The following FRMPD2 variants were observed in gnomAD, a reference collection of about 807,000 sequenced individuals.
The protein encoded by FRMPD2 is FERM and PDZ domain-containing protein 2.
A neutral mutation model predicts 140.1 loss-of-function variants in FRMPD2; 96 were observed. The ratio of observed to expected loss-of-function variants is 0.69; its 90% CI spans 0.58 to 0.81. The LOEUF (loss-of-function observed/expected upper bound fraction) is 0.81. Among genes scored for constraint, FRMPD2 ranks in the 40% least tolerant of loss-of-function variants. The probability of loss-of-function intolerance (pLI) is 0.00; values close to 1 mark genes in which losing one functional copy is unlikely to be tolerated. For synonymous variants in FRMPD2, 449 were observed against 547.6 expected, an observed-to-expected ratio of 0.82 and a Z score of 2.52; for missense variants, 1,240 against 1,447.4, an observed-to-expected ratio of 0.86 and a Z score of 2.32.
At chr10:48,226,863 TGTTAG>T (rs1839733662) in intron 10 of FRMPD2, among the ~76,000 whole-genome samples, 1 of 152,368 alleles carries the variant, frequency 6.6e-6, no homozygotes, top group South Asian at 2.1e-4. Context: ...ATCTTTCTTA[TGTTAG>T]TTTATTTCTC....
intron 2 of FRMPD2, 61 bp downstream of exon 2, chr10:48,251,501 GTGTT>G (rs1211850438): frequency 2.1e-5 from 34 of 1,595,526 alleles, no homozygotes; most frequent in Non-Finnish European, 2.7e-5. Context: ...AGCCAGAACT[GTGTT>G]TGTGTGGGAA....
intron 12 of FRMPD2, among the ~76,000 whole-genome samples, chr10:48,217,346 CA>C (rs1422784658): frequency 6.6e-6 from 1 of 152,168 alleles, no homozygotes; most frequent in Non-Finnish European, 1.5e-5. Flanking sequence ...TTCATCATCC[CA>C]CATGATGACA....
intron 12 of FRMPD2, among the ~76,000 whole-genome samples, chr10:48,214,038 C>A (rs1839389125): frequency 6.6e-6 from 1 of 152,154 alleles, no homozygotes; most frequent in South Asian, 2.1e-4. Context: ...AACCCTAAGA[C>A]CAGTTTTACC....
At chr10:48,251,195 T>C (rs1314429198) in intron 2 of FRMPD2, among the ~76,000 whole-genome samples, 1 of 152,188 alleles carries the variant, frequency 6.6e-6, no homozygotes, top group Non-Finnish European at 1.5e-5. Flanking sequence ...CTCTCATCTC[T>C]GGTTATGCCC....
At chr10:48,200,969 C>T (rs1048181181) in intron 15 of FRMPD2, among the ~76,000 whole-genome samples, 7 of 152,164 alleles carry the variant, frequency 4.6e-5, no homozygotes, top group Non-Finnish European at 7.3e-5. Flanking sequence ...AGGACGTGCA[C>T]TTTTTAAGGC....
rs1444441061 is a variant in FRMPD2 at position 48,174,798 on chromosome 10, C to T, written c.3075+72G>A. On this transcript the variant is annotated intron_variant, in intron 24 of 28. Transcript: ENST00000374201. ...TGCCTGCCTCCCTCCCACCCAGAGG[C>T]GATTTCAGCTTCTGATGTTGTTCAG... 2.1e-5 allele frequency: 17 copies of T among 822,392 alleles called. 1 individual carries two copies. Among genetic ancestry groups the T allele is most frequent in the Middle Eastern group, 3.5e-4 (1 of 2,868 alleles). The allele number at this position is 822,392 out of a possible 1,614,324, so 50.9% of individuals were successfully genotyped here. A position where few individuals can be genotyped will look rare whatever the true frequency, so the allele number is the denominator to read the frequency against.
chr10:48,214,426 CAG>C (rs1351478344), intron 12 of FRMPD2, among the ~76,000 whole-genome samples: 1 of 152,076 alleles, frequency 6.6e-6, no homozygotes, highest in Non-Finnish European at 1.5e-5. Flanking sequence ...TATGAGCTCT[CAG>C]TGGTAATGGT....
intron 12 of FRMPD2, among the ~76,000 whole-genome samples, chr10:48,220,405 A>C (rs1307084765): frequency 6.6e-6 from 1 of 152,218 alleles, no homozygotes; most frequent in Non-Finnish European, 1.5e-5. Flanking sequence ...ATGAAACTGG[A>C]TCCTCATCTC....
chr10:48,259,901 A>T (rs1423456825), intron 1 of FRMPD2, among the ~76,000 whole-genome samples: 3 of 152,182 alleles, frequency 2.0e-5, no homozygotes, highest in African/African-American at 7.2e-5. Flanking sequence ...AAGGGAGAGA[A>T]AAACAAGAAC....
At chr10:48,219,568 A>G (rs1238482244) in intron 12 of FRMPD2, among the ~76,000 whole-genome samples, 1 of 152,196 alleles carries the variant, frequency 6.6e-6, no homozygotes, top group Middle Eastern at 3.2e-3. Flanking sequence ...AACATGGGCA[A>G]GAGATGAGGG....
chr10:48,234,121 G>A (rs1839913484), intron 9 of FRMPD2, among the ~76,000 whole-genome samples: 1 of 152,190 alleles, frequency 6.6e-6, no homozygotes, highest in Non-Finnish European at 1.5e-5. Context: ...AGGGAGCTTG[G>A]GCTTTTTCAC....
At position 48,223,214 on chromosome 10, in the gene FRMPD2, C is replaced by T; in HGVS notation, c.1225G>A (p.Gly409Ser). 1.2e-6 allele frequency: 2 copies of T among 1,614,046 alleles called. No individual in the cohort carries two copies. The highest frequency in any genetic ancestry group is 8.5e-7 in the Non-Finnish European group (1 of 1,179,936). Residue 409 changes from glycine to serine, a missense_variant, in exon 11 of 29, where the codon GGC becomes AGC. Transcript: ENST00000374201. ...ETRLCKIAPE[G>S]WREQPQKTSM... ...GTCTTCTGAGGCTGCTCTCTCCAGC[C>T]TTCAGGAGCTATTTTGCACAATCTG...
At chr10:48,262,027 C>T (rs369562452) in intron 1 of FRMPD2, among the ~76,000 whole-genome samples, 15 of 151,916 alleles carry the variant, frequency 9.9e-5, no homozygotes, top group Non-Finnish European at 1.6e-4. Context: ...CAGAAAAACA[C>T]GGGAAGATCT....
chr10:48,201,095 G>T, intron 15 of FRMPD2, 133 bp downstream of exon 15: 1 of 561,612 alleles, frequency 1.8e-6, no homozygotes, highest in Non-Finnish European at 2.8e-6. Context: ...CATTTTTATT[G>T]TATTTCTGTC....
Position 48,223,003 on chromosome 10 carries a change from G to C in FRMPD2, c.1316+120C>G. 4 of 902,182 alleles carry C rather than the reference G, an allele frequency of 4.4e-6. No individual in the cohort carries two copies. The South Asian group carries it at 7.3e-5, about 17-fold the overall frequency. The allele number at this position is 902,182 out of a possible 1,614,324, so 55.9% of individuals were successfully genotyped here. A position where few individuals can be genotyped will look rare whatever the true frequency, so the allele number is the denominator to read the frequency against. ...AATCAACAGAAAACCAACCACAATAGCTATTGTTATTTGTATGTAATTTAC... is the reference window on the plus strand; with the variant it reads ...AATCAACAGAAAACCAACCACAATACCTATTGTTATTTGTATGTAATTTAC... On this transcript the variant is annotated intron_variant, in intron 11 of 28. Transcript: ENST00000374201.
At chr10:48,208,814 T>C (rs1236514913) in intron 13 of FRMPD2, among the ~76,000 whole-genome samples, 1 of 152,222 alleles carries the variant, frequency 6.6e-6, no homozygotes, top group African/African-American at 2.4e-5. Flanking sequence ...ACAAGGCCTG[T>C]CTTCCTTACA....
At chr10:48,217,619 A>G (rs1429802) in intron 12 of FRMPD2, among the ~76,000 whole-genome samples, 13,266 of 152,212 alleles carry the variant, frequency 0.087, 1,785 homozygotes, top group African/African-American at 0.29. Flanking sequence ...GATGCTCCTT[A>G]TTTCCTGAGG....
chr10:48,239,080 C>T (rs1392897750), intron 7 of FRMPD2, among the ~76,000 whole-genome samples: 1 of 152,166 alleles, frequency 6.6e-6, no homozygotes, highest in Non-Finnish European at 1.5e-5. Flanking sequence ...CTAGGCTGAC[C>T]TGCTGGTGGA....
intron 13 of FRMPD2, among the ~76,000 whole-genome samples, chr10:48,209,474 T>A (rs1438283613): frequency 6.6e-6 from 1 of 152,230 alleles, no homozygotes; most frequent in African/African-American, 2.4e-5. Context: ...GAGTTAGTCA[T>A]CAGTGAACTG....
Sources: allele counts gnomAD v4.1 joint callset (sites outside exome capture counted in the v4.1 genomes callset), GRCh38; gene constraint gnomAD v4.1.1; transcripts MANE v1.5; gene names NCBI Gene and HGNC (gene_info 2026-07-23, HGNC 2026-07-21).